SH2D6: variants seen among roughly 807,000 people sequenced by gnomAD.
The protein encoded by SH2D6 is SH2 domain containing 6, also known as SH2 domain-containing protein 6.
In SH2D6, 31 loss-of-function variants were observed where a neutral mutation model predicts 30.2. The ratio of observed to expected loss-of-function variants is 1.03; its 90% confidence interval spans 0.77 to 1.38. SH2D6 has a LOEUF of 1.38. Among genes scored for constraint, SH2D6 ranks in the 40% most tolerant of loss-of-function variants. The pLI is 0.00. For synonymous variants in SH2D6, 93 were observed against 104.6 expected, an observed-to-expected ratio of 0.89 and a Z score of 0.68; for missense variants, 240 against 266.8, an observed-to-expected ratio of 0.90 and a Z score of 0.70.
Position 85,436,574 on chromosome 2 carries a change from A to G in SH2D6, c.1000A>G (p.Lys334Glu). 6.2e-7 allele frequency: 1 copy of G among 1,613,624 alleles called. No individual in the cohort carries two copies. The highest frequency in any genetic ancestry group is 8.5e-7 in the Non-Finnish European group (1 of 1,179,880). ...RELTCLLFPT[K>E]P ...ACTCACCTGCCTGCTCTTCCCCACC[A>G]AGCCTTGAGGCCACAGCGAAGTACA... The change falls in exon 23 of 24, where the codon AAG (lysine) becomes GAG (glutamate). Residue 334 changes from lysine to glutamate, a missense_variant. By Grantham distance (56) the Lys-to-Glu change is moderately conservative. Coordinates refer to ENST00000469800, the MANE Select transcript of SH2D6 (RefSeq NM_001394463.1).
intron 6 of SH2D6, among the ~76,000 whole-genome samples, chr2:85,427,654 G>A (rs1368390018): frequency 6.6e-6 from 1 of 152,260 alleles, no homozygotes; most frequent in Non-Finnish European, 1.5e-5. Flanking sequence ...AGGTCCCCTT[G>A]GGTGAGGGAA....
intron 16 of SH2D6, 116 bp from the exon 17 acceptor site, chr2:85,433,914 CAGA>C: frequency 1.1e-6 from 1 of 938,178 alleles, no homozygotes; most frequent in Non-Finnish European, 1.6e-6. Flanking sequence ...GAAGCACTCC[CAGA>C]AAGTCCAGGC....
At chr2:85,421,565 C>G (rs1028660288) in intron 2 of SH2D6, 9 of 152,212 alleles carry the variant, frequency 5.9e-5, no homozygotes, top group African/African-American at 1.9e-4. Flanking sequence ...ACTGTGGGCC[C>G]GGCACTTGGA....
intron 13 of SH2D6, among the ~76,000 whole-genome samples, 157 bp downstream of exon 13, chr2:85,431,425 C>G (rs1688631704): frequency 1.3e-5 from 2 of 152,134 alleles, no homozygotes; most frequent in South Asian, 4.1e-4. Context: ...GCATGAGAAG[C>G]CAGAGCCCTG....
intron 6 of SH2D6, among the ~76,000 whole-genome samples, chr2:85,427,244 G>A (rs952760819): frequency 6.6e-6 from 1 of 152,218 alleles, no homozygotes; most frequent in African/African-American, 2.4e-5. Context: ...GCTGGACAGT[G>A]GGGCGTTATA....
chr2:85,427,028 T>A (rs1342400895), intron 6 of SH2D6, among the ~76,000 whole-genome samples: 1 of 152,228 alleles, frequency 6.6e-6, no homozygotes, highest in Non-Finnish European at 1.5e-5. Context: ...CCACGTTTGG[T>A]CACAGAAGTC....
intron 6 of SH2D6, among the ~76,000 whole-genome samples, chr2:85,425,913 G>A (rs1463177215): frequency 6.6e-6 from 1 of 152,216 alleles, no homozygotes; most frequent in East Asian, 1.9e-4. Context: ...CTGGCTGGCA[G>A]ACCCTGCACC....
Position 85,434,512 on chromosome 2 carries a change from G to A in SH2D6, c.589+15G>A. The A allele has an allele frequency of 6.5e-7, 1 of 1,550,146 alleles. No homozygotes were observed. The highest frequency in any genetic ancestry group is 8.7e-7 in the Non-Finnish European group (1 of 1,146,888). On this transcript the variant is annotated intron_variant, in intron 19 of 23. Coordinates refer to ENST00000469800, the MANE Select transcript of SH2D6 (RefSeq NM_001394463.1). ...TGCCTCTAAAGGTGAGTAAAGGCTG[G>A]TCCAAAGGTAGTGAGTTATCCCAAC...
intron 14 of SH2D6, among the ~76,000 whole-genome samples, chr2:85,432,433 G>C (rs1254704778): frequency 6.7e-6 from 1 of 149,378 alleles, no homozygotes; most frequent in Non-Finnish European, 1.5e-5. Flanking sequence ...ACGGAGTCTT[G>C]CTGTCGCCCA....
intron 21 of SH2D6, 32 bp downstream of exon 21, chr2:85,435,528 A>G: frequency 6.2e-7 from 1 of 1,607,480 alleles, no homozygotes; most frequent in Non-Finnish European, 8.5e-7. Context: ...GTCTTCTCCA[A>G]AACCCCTTTT....
intron 6 of SH2D6, among the ~76,000 whole-genome samples, chr2:85,425,977 G>A (rs867386835): frequency 2.6e-5 from 4 of 152,172 alleles, no homozygotes; most frequent in Non-Finnish European, 5.9e-5. Context: ...AATTGGAAAC[G>A]AGGATTCATG....
chr2:85,420,617 G>C (rs1464949607), intron 2 of SH2D6, among the ~76,000 whole-genome samples: 1 of 152,252 alleles, frequency 6.6e-6, no homozygotes, highest in Admixed American at 6.5e-5. Flanking sequence ...GAGCAGTGTT[G>C]TTAGGTCATT....
At position 85,435,095 on chromosome 2, in the gene SH2D6, C is replaced by T. The variant is rs749517948; in HGVS notation, c.620C>T (p.Ala207Val). The T allele has an allele frequency of 6.7e-7, 1 of 1,498,968 alleles. No individual in the cohort carries two copies. Among genetic ancestry groups the T allele is most frequent in the Admixed American group, 1.8e-5 (1 of 55,444 alleles). 92.9% of individuals were successfully genotyped at this position (1,498,968 alleles called of 1,614,324 possible). ...EGRKSSLPSV[A>V]PTGSASAAED... Reference sequence around the variant, plus strand: ...AGGAAATCGTCTCTTCCCTCTGTAGCCCCCACTGGGAGTGCCTCAGCTGCT... The same window carrying T: ...AGGAAATCGTCTCTTCCCTCTGTAGTCCCCACTGGGAGTGCCTCAGCTGCT... The change falls in exon 20 of 24, where the codon GCC (alanine) becomes GTC (valine). Residue 207 changes from alanine (A) to valine (V), a missense_variant. Transcript: ENST00000469800.
At chr2:85,420,365 C>A (rs533990051) in intron 2 of SH2D6, among the ~76,000 whole-genome samples, 1 of 152,318 alleles carries the variant, frequency 6.6e-6, no homozygotes, top group African/African-American at 2.4e-5. Context: ...GGTGATCAGC[C>A]CACCTTGGCC....
At chr2:85,420,233 G>A (rs1335419398) in intron 2 of SH2D6, among the ~76,000 whole-genome samples, 1 of 152,128 alleles carries the variant, frequency 6.6e-6, no homozygotes, top group Non-Finnish European at 1.5e-5. Context: ...GCCTGCCTCA[G>A]CCTCAGTAGC....
chr2:85,433,040 C>T (rs554418185), intron 14 of SH2D6, 59 bp from the exon 15 acceptor site: 15 of 985,782 alleles, frequency 1.5e-5, no homozygotes, highest in Non-Finnish European at 1.7e-5. Flanking sequence ...CTCAGTCCCG[C>T]TGAATTCCTT....
At chr2:85,432,438 C>T (rs540890302) in intron 14 of SH2D6, among the ~76,000 whole-genome samples, 64 of 150,000 alleles carry the variant, frequency 4.3e-4, no homozygotes, top group African/African-American at 7.1e-4. Flanking sequence ...GTCTTGCTGT[C>T]GCCCAGGCTG....
chr2:85,422,545 G>A (rs1476948103), intron 4 of SH2D6, 51 bp from the exon 5 acceptor site: 6 of 152,360 alleles, frequency 3.9e-5, no homozygotes, highest in Admixed American at 1.3e-4. Flanking sequence ...TGGGGAGGTA[G>A]GAGGGGCCTG....
Position 85,436,566 on chromosome 2 carries a change from T to TC in SH2D6, c.996dup (p.Thr333HisfsTer51), listed in dbSNP as rs1434968120. 9.3e-6 allele frequency: 15 copies of TC among 1,613,684 alleles called. No individual in the cohort carries two copies. The highest frequency in any genetic ancestry group is 1.2e-5 in the Non-Finnish European group (14 of 1,179,944). ...AGCCGGGAACTCACCTGCCTGCTCT[T>TC]CCCCACCAAGCCTTGAGGCCACAGC... On this transcript the variant is annotated frameshift_variant, in exon 23 of 24. Coordinates refer to ENST00000469800, the MANE Select transcript of SH2D6 (RefSeq NM_001394463.1). LOFTEE classifies it high-confidence loss of function.
Sources: gnomAD v4.1 joint callset for allele counts (sites outside exome capture counted in the v4.1 genomes callset) on GRCh38, gnomAD v4.1.1 for gene constraint, MANE v1.5 for transcripts, NCBI Gene and HGNC (gene_info 2026-07-23, HGNC 2026-07-21) for gene names.